The following LCOR variants were observed in gnomAD, a reference collection of about 807,000 sequenced individuals.
LCOR encodes ligand-dependent corepressor.
A neutral mutation model predicts 64.4 loss-of-function variants in LCOR; 14 were observed. The observed-to-expected ratio is 0.22, with a 90% CI of 0.14 to 0.34. The LOEUF (loss-of-function observed/expected upper bound fraction) is 0.34, where lower values mean the gene tolerates loss of function less well. Among genes scored for constraint, LCOR ranks in the 10% least tolerant of loss-of-function variants. LCOR has a pLI of 1.00. For missense variants in LCOR, 1,686 were observed against 1,765.3 expected (o/e 0.96, Z 0.80); for synonymous variants, 643 against 642.5 (o/e 1.00, Z -0.01).
intron 7 of LCOR, chr10:96,955,903 A>G: frequency 6.2e-7 from 1 of 1,613,216 alleles, no homozygotes. Flanking sequence ...CAAAGTGCAA[A>G]TGAATCAAAA....
intron 7 of LCOR, among the ~76,000 whole-genome samples, chr10:96,967,212 C>T (rs1002579010): frequency 1.3e-5 from 2 of 152,108 alleles, no homozygotes; most frequent in African/African-American, 2.4e-5. Flanking sequence ...TCACTGTAAC[C>T]TCCACTTCCC....
chr10:96,912,050 G>C (rs1846846669), intron 4 of LCOR, among the ~76,000 whole-genome samples: 1 of 151,872 alleles, frequency 6.6e-6, no homozygotes. Context: ...CCCTACCTCA[G>C]TCTCCCGAGT....
rs112594620 is a variant in LCOR at position 96,982,286 on chromosome 10, A to G, written c.1826A>G (p.Glu609Gly). ...KPNLSSSPRS[E>G]ETTASSLVWP... Reference sequence around the variant, plus strand: ...AACCTGAGCAGCTCCCCTAGGTCAGAGGAAACGACAGCCTCCAGCCTGGTG... The same window carrying G: ...AACCTGAGCAGCTCCCCTAGGTCAGGGGAAACGACAGCCTCCAGCCTGGTG... The change falls in exon 8 of 8, where the codon GAG (glutamate) becomes GGG (glycine). Residue 609 changes from glutamate (E) to glycine (G), a missense_variant. By Grantham distance (98) the Glu-to-Gly change is moderately conservative. Coordinates refer to ENST00000421806, the MANE Select transcript of LCOR (RefSeq NM_001346516.2). 35,537 of 1,614,214 alleles carry G rather than the reference A, an allele frequency of 0.022. 466 individuals are homozygous for G. The highest frequency in any genetic ancestry group is 0.048 in the South Asian group (4,412 of 91,084).
At chr10:96,920,793 C>CAT (rs1342452075) in intron 4 of LCOR, among the ~76,000 whole-genome samples, 7 of 64,870 alleles carry the variant, frequency 1.1e-4, no homozygotes, top group South Asian at 5.5e-4. Flanking sequence ...CACACACACG[C>CAT]GCGGTGGGGG....
At chr10:96,842,186 GAGATCGAGAC>G (rs1253179099) in intron 2 of LCOR, among the ~76,000 whole-genome samples, 1 of 152,080 alleles carries the variant, frequency 6.6e-6, no homozygotes, top group Admixed American at 6.5e-5. Context: ...ACGAGGTCAA[GAGATCGAGAC>G]CGTCCTGGCC....
chr10:96,917,426 A>G (rs1228072475), intron 4 of LCOR, among the ~76,000 whole-genome samples: 1 of 152,228 alleles, frequency 6.6e-6, no homozygotes, highest in Non-Finnish European at 1.5e-5. Context: ...GAATTCTCAT[A>G]TATGCAGGGA....
At chr10:96,836,758 GAGA>G (rs1191654703) in intron 2 of LCOR, among the ~76,000 whole-genome samples, 2 of 152,194 alleles carry the variant, frequency 1.3e-5, no homozygotes, top group African/African-American at 2.4e-5. Context: ...AGCAAAAGTG[GAGA>G]AGGACAGCAA....
Position 96,991,683 on chromosome 10 carries a change from A to C in LCOR, c.*6549A>C, listed in dbSNP as rs1429879505. ...GTGCAGACCACACATTCTCTTAAAA[A>C]TACCAGCATGTCTGTGGCATCTTGT... On this transcript the variant is annotated 3_prime_UTR_variant, in exon 8 of 8. Coordinates refer to ENST00000421806, the MANE Select transcript of LCOR (RefSeq NM_001346516.2). 3.3e-5 allele frequency: 5 copies of C among 152,246 alleles called. No individual in the cohort carries two copies. The highest frequency in any genetic ancestry group is 1.2e-4 in the African/African-American group (5 of 41,452). 9.4% of individuals were successfully genotyped at this position (152,246 alleles called of 1,614,324 possible). A position where few individuals can be genotyped will look rare whatever the true frequency, so the allele number is the denominator to read the frequency against.
At chr10:96,967,790 G>C (rs1274528363) in intron 7 of LCOR, among the ~76,000 whole-genome samples, 1 of 152,148 alleles carries the variant, frequency 6.6e-6, no homozygotes, top group African/African-American at 2.4e-5. Flanking sequence ...GTATGAATGT[G>C]ATACTTTTGC....
At chr10:96,880,179 G>A (rs1846238373) in intron 2 of LCOR, among the ~76,000 whole-genome samples, 1 of 152,142 alleles carries the variant, frequency 6.6e-6, no homozygotes, top group Non-Finnish European at 1.5e-5. Flanking sequence ...GCCCCAAAAG[G>A]CAGTGTAGCT....
Position 96,989,695 on chromosome 10 carries a change from A to ATATATATATATATATATATTTT in LCOR, c.*4562_*4563insATATATATATATATATATTTTT, listed in dbSNP as rs1371771053. 2 of 86,160 alleles carry ATATATATATATATATATATTTT rather than the reference A, an allele frequency of 2.3e-5. No individual in the cohort carries two copies. Among genetic ancestry groups the ATATATATATATATATATATTTT allele is most frequent in the African/African-American group, 1.2e-4 (2 of 16,170 alleles). The allele number at this position is 86,160 out of a possible 1,614,324, so 5.3% of individuals were successfully genotyped here. The stretch of plus-strand genomic sequence containing the variant: ...TAAGGATATATATATATATATATAT[A>ATATATATATATATATATATTTT]TTTTTTTTTTTTTTTTTTTTTTTTA... On this transcript the variant is annotated 3_prime_UTR_variant, in exon 8 of 8. Coordinates refer to ENST00000421806, the MANE Select transcript of LCOR (RefSeq NM_001346516.2).
chr10:96,982,999 G>A lies in LCOR; in HGVS notation c.2539G>A (p.Val847Ile), dbSNP rs745737850. Residue 847 changes from valine (V) to isoleucine (I), a missense_variant, in exon 8 of 8, where the codon GTT (valine) becomes ATT (isoleucine). Val to Ile is a conservative substitution (Grantham distance 29). Coordinates refer to ENST00000421806, the MANE Select transcript of LCOR (RefSeq NM_001346516.2). ...TTCCTCAGCTTGTCTTGAAATCAAA[G>A]TTCCTAAAAATCCTAGTGCAAAACG... The part of the protein sequence containing the change: ...DSSSACLEIK[V>I]PKNPSAKRSK... 1.2e-6 allele frequency: 2 copies of A among 1,613,348 alleles called. No individual in the cohort carries two copies. Among genetic ancestry groups the A allele is most frequent in the Admixed American group, 3.3e-5 (2 of 59,872 alleles).
At chr10:96,853,667 T>C (rs1486613473) in intron 2 of LCOR, among the ~76,000 whole-genome samples, 2 of 152,218 alleles carry the variant, frequency 1.3e-5, no homozygotes, top group Non-Finnish European at 2.9e-5. Context: ...GCAACTAGTC[T>C]CTGTTCTACG....
chr10:96,875,125 C>G lies in LCOR; in HGVS notation c.-329-32140C>G, dbSNP rs531455282. ...AATGGCCAGGTGTGGTGGCTCACAC[C>G]TGTAATCCCAGAACTTTGGGAGGCC... On this transcript the variant is annotated intron_variant, in intron 2 of 7. Transcript: ENST00000421806. Among the ~76,000 whole-genome samples, 20 of 151,920 alleles carry G rather than the reference C, an allele frequency of 1.3e-4. 1 individual carries two copies. Among genetic ancestry groups the G allele is most frequent in the Admixed American group, 1.2e-3 (18 of 15,254 alleles).
intron 4 of LCOR, among the ~76,000 whole-genome samples, chr10:96,933,905 T>G (rs1847305706): frequency 6.6e-6 from 1 of 152,226 alleles, no homozygotes; most frequent in South Asian, 2.1e-4. Flanking sequence ...CATGAAATAA[T>G]TCACTTTGAA....
chr10:96,970,212 A>G (rs1847986856), intron 7 of LCOR, among the ~76,000 whole-genome samples: 1 of 151,816 alleles, frequency 6.6e-6, no homozygotes, highest in Non-Finnish European at 1.5e-5. Flanking sequence ...ACCCTGGGCA[A>G]CATGGTGAAA....
rs1589652891 is a variant in LCOR, at chr10:96,915,591, A to G, written c.-184+7844A>G. 2.6e-5 allele frequency: 20 copies of G among 759,712 alleles called. No homozygotes were observed. In the South Asian group the frequency reaches 2.8e-4, roughly 11 times the overall value. 47.1% of individuals were successfully genotyped at this position (759,712 alleles called of 1,614,324 possible). A position where few individuals can be genotyped will look rare whatever the true frequency, so the allele number is the denominator to read the frequency against. ...TAAAAAATAGAATTTCAAACTATAC[A>G]GTCACCAGAAGTACACAGTTATCAA... On this transcript the variant is annotated intron_variant, in intron 4 of 7. Transcript: ENST00000421806.
intron 4 of LCOR, chr10:96,915,713 T>G: frequency 1.4e-6 from 1 of 709,088 alleles, no homozygotes; most frequent in South Asian, 1.3e-5. Context: ...ATTCACCTCC[T>G]TGCCAGCATC....
intron 2 of LCOR, among the ~76,000 whole-genome samples, chr10:96,864,015 C>G (rs941088281): frequency 2.0e-5 from 3 of 152,162 alleles, no homozygotes; most frequent in Non-Finnish European, 2.9e-5. Flanking sequence ...AAACACCTGT[C>G]CCTGAGCAGT....
Sources: allele counts gnomAD v4.1 joint callset (sites outside exome capture counted in the v4.1 genomes callset), GRCh38; gene constraint gnomAD v4.1.1; transcripts MANE v1.5; gene names NCBI Gene and HGNC (gene_info 2026-07-23, HGNC 2026-07-21).